Variants in CTIF observed in about 807,000 individuals in gnomAD.
CTIF encodes the protein CBP80/20-dependent translation initiation factor.
Under a neutral mutation model 66.0 loss-of-function variants are expected in CTIF, and 21 were observed. That is an observed-to-expected ratio of 0.32 (90% confidence interval 0.23 to 0.46). CTIF has a LOEUF of 0.46. Ranked by LOEUF, CTIF falls within the 20% of genes least tolerant of loss-of-function variation. The pLI is 1.00. For synonymous variants in CTIF, 345 were observed against 326.4 expected (o/e 1.06, Z -0.62); for missense variants, 739 against 812.7 (o/e 0.91, Z 1.10).
intron 10 of CTIF, among the ~76,000 whole-genome samples, chr18:48,833,006 T>C (rs28583417): frequency 0.047 from 7,200 of 152,194 alleles, 296 homozygotes; most frequent in East Asian, 0.26. Context: ...TCTACTTTTT[T>C]TGGAAATGTT....
At chr18:48,730,318 CGGTGTGAGGGGCCCCT>C (rs2092430875) in intron 7 of CTIF, among the ~76,000 whole-genome samples, 1 of 114,856 alleles carries the variant, frequency 8.7e-6, no homozygotes, top group Admixed American at 9.4e-5. Context: ...GGGGCTTCTG[CGGTGTGAGGGGCCCCT>C]GCGGTGTGAG....
At chr18:48,775,052 AC>A (rs1222248253) in intron 9 of CTIF, among the ~76,000 whole-genome samples, 2 of 152,028 alleles carry the variant, frequency 1.3e-5, no homozygotes, top group Non-Finnish European at 2.9e-5. Context: ...CCTGCCATAG[AC>A]CCTTCCTTTA....
At chr18:48,701,644 C>T (rs950120539) in intron 6 of CTIF, among the ~76,000 whole-genome samples, 19 of 152,220 alleles carry the variant, frequency 1.2e-4, no homozygotes, top group Admixed American at 1.1e-3. Context: ...GTTTCCTGTA[C>T]ATTTTACCCT....
At chr18:48,599,347 C>A (rs1266418284) in intron 1 of CTIF, among the ~76,000 whole-genome samples, 1 of 150,844 alleles carries the variant, frequency 6.6e-6, no homozygotes, top group Non-Finnish European at 1.5e-5. Flanking sequence ...TTTTCTTGTT[C>A]ATAAAAATGC....
intron 1 of CTIF, among the ~76,000 whole-genome samples, chr18:48,549,328 G>A (rs1178648286): frequency 6.6e-6 from 1 of 152,180 alleles, no homozygotes; most frequent in Non-Finnish European, 1.5e-5. Context: ...ATCTCAGTTT[G>A]GGGATTGGGG....
intron 1 of CTIF, among the ~76,000 whole-genome samples, chr18:48,616,107 C>T (rs968995892): frequency 6.6e-6 from 1 of 152,206 alleles, no homozygotes; most frequent in African/African-American, 2.4e-5. Context: ...GAGCCTGGCA[C>T]TCAATCCTCC....
intron 2 of CTIF, among the ~76,000 whole-genome samples, chr18:48,624,709 G>A (rs2090562420): frequency 6.6e-6 from 1 of 152,220 alleles, no homozygotes; most frequent in Admixed American, 6.5e-5. Flanking sequence ...CTATTCATAA[G>A]CCTGTGCATG....
At chr18:48,644,494 T>C (rs2090990438) in intron 3 of CTIF, among the ~76,000 whole-genome samples, 1 of 152,234 alleles carries the variant, frequency 6.6e-6, no homozygotes, top group Non-Finnish European at 1.5e-5. Flanking sequence ...CTCACCAGCG[T>C]GTATGTCTGT....
At chr18:48,810,267 T>C (rs1599088735) in intron 9 of CTIF, among the ~76,000 whole-genome samples, 1 of 152,120 alleles carries the variant, frequency 6.6e-6, no homozygotes, top group Admixed American at 6.5e-5. Context: ...GTGGCTACCA[T>C]ATTGGATAAC....
At chr18:48,745,004 AG>A (rs1245681445) in intron 7 of CTIF, among the ~76,000 whole-genome samples, 2 of 152,054 alleles carry the variant, frequency 1.3e-5, no homozygotes, top group African/African-American at 4.8e-5. Flanking sequence ...TTGTATTTTT[AG>A]TAGAGACAGG....
intron 5 of CTIF, 142 bp downstream of exon 5, chr18:48,664,693 C>G: frequency 1.5e-6 from 1 of 669,684 alleles, no homozygotes; most frequent in Non-Finnish European, 2.5e-6. Flanking sequence ...CGTCCCAGAG[C>G]TGCAGGCTCA....
intron 1 of CTIF, chr18:48,566,802 G>A (rs2089290436): frequency 6.6e-6 from 1 of 152,190 alleles, no homozygotes; most frequent in African/African-American, 2.4e-5. Flanking sequence ...GGCTCTGGGT[G>A]GATAACATGA....
At chr18:48,548,321 A>C (rs746936523) in intron 1 of CTIF, among the ~76,000 whole-genome samples, 7 of 152,220 alleles carry the variant, frequency 4.6e-5, no homozygotes, top group Non-Finnish European at 8.8e-5. Context: ...TGAGATACTT[A>C]CACGTTTGAA....
At chr18:48,637,813 G>T (rs1377175511) in intron 3 of CTIF, among the ~76,000 whole-genome samples, 1 of 152,128 alleles carries the variant, frequency 6.6e-6, no homozygotes, top group African/African-American at 2.4e-5. Context: ...GGGGTGGGGG[G>T]TGATGGGAGA....
At chr18:48,834,943 TC>T (rs1280708444) in intron 10 of CTIF, among the ~76,000 whole-genome samples, 1 of 152,154 alleles carries the variant, frequency 6.6e-6, no homozygotes, top group Non-Finnish European at 1.5e-5. Flanking sequence ...TTCTGACCAC[TC>T]CAACCTGCGC....
At chr18:48,657,606 G>C (rs757243155) in intron 3 of CTIF, among the ~76,000 whole-genome samples, 10 of 152,138 alleles carry the variant, frequency 6.6e-5, no homozygotes, top group South Asian at 2.1e-4. Flanking sequence ...AGCTCTGCAC[G>C]GGAGTGTGCA....
intron 9 of CTIF, among the ~76,000 whole-genome samples, chr18:48,776,823 A>G (rs1490883161): frequency 6.6e-6 from 1 of 152,258 alleles, no homozygotes; most frequent in African/African-American, 2.4e-5. Context: ...TATCCCAAAC[A>G]GGGAACCAGA....
intron 2 of CTIF, among the ~76,000 whole-genome samples, chr18:48,629,091 T>G (rs1161972645): frequency 2.0e-5 from 3 of 152,180 alleles, no homozygotes; most frequent in Non-Finnish European, 4.4e-5. Context: ...AAGTCTCCCT[T>G]CAGGGAAATG....
chr18:48,588,963 C>T (rs189038389), intron 1 of CTIF, among the ~76,000 whole-genome samples: 83 of 152,292 alleles, frequency 5.5e-4, no homozygotes, highest in African/African-American at 1.7e-3. Context: ...ATGTACCCGG[C>T]GCCCCTGTCT....
Sources: allele counts gnomAD v4.1 joint callset (sites outside exome capture counted in the v4.1 genomes callset), GRCh38; gene constraint gnomAD v4.1.1; transcripts MANE v1.5; gene names NCBI Gene and HGNC (gene_info 2026-07-23, HGNC 2026-07-21).